The following SLC26A11 variants were observed in gnomAD, a reference collection of about 807,000 sequenced individuals.
The protein encoded by SLC26A11 is sodium-independent sulfate anion transporter.
A neutral mutation model predicts 62.2 loss-of-function variants in SLC26A11; 58 were observed. The observed-to-expected ratio is 0.93, with a 90% CI of 0.76 to 1.16. The LOEUF is 1.16. Ranked by LOEUF, SLC26A11 falls within the 50% of genes most tolerant of loss-of-function variation. The pLI, the probability that SLC26A11 is intolerant of heterozygous loss-of-function variation, is 0.00. For missense variants in SLC26A11, 790 were observed against 794.3 expected (o/e 0.99, Z 0.06); for synonymous variants, 411 against 368.9 (o/e 1.11, Z -1.31).
intron 9 of SLC26A11, among the ~76,000 whole-genome samples, chr17:80,238,407 C>G (rs6420489): frequency 1.3e-5 from 2 of 151,932 alleles, no homozygotes; most frequent in African/African-American, 2.4e-5. Context: ...TGTTTAGTAA[C>G]AGGCTCACAA....
chr17:80,233,813 A>AAGGGATCCTCCCACG (rs1555628041), intron 7 of SLC26A11, among the ~76,000 whole-genome samples: 41,435 of 151,576 alleles, frequency 0.27, 6,140 homozygotes, highest in South Asian at 0.39. Context: ...TCCTGGGCTC[A>AAGGGATCCTCCCACG]AGGGATCCTC....
At chr17:80,230,146 G>A (rs1220210975) in intron 7 of SLC26A11, among the ~76,000 whole-genome samples, 2 of 144,036 alleles carry the variant, frequency 1.4e-5, no homozygotes, top group Non-Finnish European at 3.0e-5. Context: ...AGTGAGCCAA[G>A]ACTGCACCAC....
intron 5 of SLC26A11, among the ~76,000 whole-genome samples, chr17:80,224,085 A>G (rs1226729432): frequency 6.6e-6 from 1 of 152,206 alleles, no homozygotes; most frequent in Non-Finnish European, 1.5e-5. Flanking sequence ...ACTGCAGGTC[A>G]TCTTCCCCAA....
chr17:80,250,018 A>G (rs8076666), intron 16 of SLC26A11, among the ~76,000 whole-genome samples: 129,616 of 152,198 alleles, frequency 0.85, 55,618 homozygotes, highest in East Asian at 1. Flanking sequence ...GTTCAGAGCC[A>G]CAGGTAAAGT....
intron 8 of SLC26A11, 119 bp downstream of exon 8, chr17:80,237,222 T>A: frequency 8.2e-7 from 1 of 1,224,798 alleles, no homozygotes; most frequent in Non-Finnish European, 1.1e-6. Flanking sequence ...GACAGCTGAG[T>A]CCTCAGGAAC....
Position 80,221,001 on chromosome 17 carries a change from C to T in SLC26A11, c.-128C>T, listed in dbSNP as rs2042154251. On this transcript the variant is annotated 5_prime_UTR_variant, in exon 2 of 18. Transcript: ENST00000361193. ...CAGGAGCGGAGGACCCCCCCACTCTCCCTCGAGCGCCGCAGTCCACCGTAG... is the reference window on the plus strand; with the variant it reads ...CAGGAGCGGAGGACCCCCCCACTCTTCCTCGAGCGCCGCAGTCCACCGTAG... The T allele has an allele frequency of 6.5e-6, 1 of 152,922 alleles. No individual in the cohort carries two copies. Among genetic ancestry groups the T allele is most frequent in the Non-Finnish European group, 1.5e-5 (1 of 68,578 alleles). 9.5% of individuals were successfully genotyped at this position (152,922 alleles called of 1,614,324 possible).
At chr17:80,238,615 A>G (rs1427172245) in intron 9 of SLC26A11, among the ~76,000 whole-genome samples, 3 of 151,816 alleles carry the variant, frequency 2.0e-5, no homozygotes, top group Non-Finnish European at 4.4e-5. Context: ...TGCGGATGAC[A>G]CCTTCGTTCT....
intron 3 of SLC26A11, 55 bp downstream of exon 3, chr17:80,221,849 A>G: frequency 6.6e-7 from 1 of 1,512,284 alleles, no homozygotes; most frequent in Non-Finnish European, 9.0e-7. Context: ...CAGAATACAC[A>G]GTATCAATCC....
intron 9 of SLC26A11, among the ~76,000 whole-genome samples, chr17:80,240,567 C>A (rs961057731): frequency 6.6e-6 from 1 of 152,036 alleles, no homozygotes; most frequent in African/African-American, 2.4e-5. Flanking sequence ...CTTTGGGAGG[C>A]CAAGGTGGGC....
chr17:80,250,965 A>G (rs2144991341), intron 16 of SLC26A11, among the ~76,000 whole-genome samples: 1 of 151,818 alleles, frequency 6.6e-6, no homozygotes, highest in Non-Finnish European at 1.5e-5. Flanking sequence ...ACATGACGAA[A>G]CCCCATCAAA....
chr17:80,239,221 G>A (rs559430904), intron 9 of SLC26A11, among the ~76,000 whole-genome samples: 39 of 149,272 alleles, frequency 2.6e-4, no homozygotes, highest in Non-Finnish European at 4.9e-4. Context: ...CTGGGATTAC[G>A]GGTGCGCACC....
At chr17:80,231,574 C>T (rs937057805) in intron 7 of SLC26A11, among the ~76,000 whole-genome samples, 9 of 152,206 alleles carry the variant, frequency 5.9e-5, no homozygotes, top group African/African-American at 2.2e-4. Flanking sequence ...ATTACTTTAG[C>T]TGCATCCCAC....
intron 14 of SLC26A11, 148 bp downstream of exon 14, chr17:80,248,405 A>C: frequency 1.5e-6 from 2 of 1,318,858 alleles, no homozygotes; most frequent in Middle Eastern, 2.2e-4. Flanking sequence ...CCTTGCTATA[A>C]ACCATGGTGT....
chr17:80,230,356 C>A (rs1276049375), intron 7 of SLC26A11, among the ~76,000 whole-genome samples: 1 of 152,022 alleles, frequency 6.6e-6, no homozygotes, highest in Non-Finnish European at 1.5e-5. Flanking sequence ...ACTCACAGGT[C>A]CTAGAGACAG....
rs778988177 is a variant in SLC26A11, at chr17:80,237,060, T to A, written c.869T>A (p.Val290Glu). ...LPPVRIPPFSVTTANGTISFT... is the reference protein window; with the variant it reads ...LPPVRIPPFSETTANGTISFT... ...CCAGTCCGGATCCCGCCCTTCTCAG[T>A]GACCACAGCCAACGGGACGATCTCC... The change falls in exon 8 of 18, where the codon GTG (valine) becomes GAG (glutamate). Residue 290 changes from valine (V) to glutamate (E), a missense_variant. Physicochemically the swap from Val to Glu is moderately radical, Grantham distance 121. Coordinates refer to ENST00000361193, the MANE Select transcript of SLC26A11 (RefSeq NM_001166347.2). The A allele has an allele frequency of 5.0e-6, 8 of 1,613,880 alleles. No individual in the cohort carries two copies. The East Asian group carries it at 1.8e-4, about 36-fold the overall frequency.
rs2043170344 is a variant in SLC26A11 at position 80,252,010 on chromosome 17, G to T, written c.1729+609G>T. Among the ~76,000 whole-genome samples the T allele has an allele frequency of 6.6e-6, 1 of 152,118 alleles. No homozygotes were observed. Among genetic ancestry groups the T allele is most frequent in the South Asian group, 2.1e-4 (1 of 4,820 alleles). On this transcript the variant is annotated intron_variant, in intron 17 of 17. Coordinates refer to ENST00000361193, the MANE Select transcript of SLC26A11 (RefSeq NM_001166347.2). This position sits in a 1 kb window ranked among gnomAD's most constrained non-coding sequence, Gnocchi z 5.2. Reference sequence around the variant, plus strand: ...TCCCGGGGGATCAGGACAGAGCAGGGCCGGGTCAGGAGATCCAGAAGCCCC... The same window carrying T: ...TCCCGGGGGATCAGGACAGAGCAGGTCCGGGTCAGGAGATCCAGAAGCCCC...
intron 9 of SLC26A11, among the ~76,000 whole-genome samples, chr17:80,239,816 T>TACATTTCTGA (rs1360124552): frequency 1.3e-5 from 2 of 152,264 alleles, no homozygotes; most frequent in Admixed American, 1.3e-4. Context: ...GGCCAGTTTT[T>TACATTTCTGA]ACATTTCTGA....
chr17:80,224,418 TGAGTGAGA>T (rs2042338519), intron 5 of SLC26A11, among the ~76,000 whole-genome samples: 1 of 136,224 alleles, frequency 7.3e-6, no homozygotes, highest in African/African-American at 2.8e-5. Flanking sequence ...TGAGTGTGAG[TGAGTGAGA>T]GTGGGTGTGG....
intron 10 of SLC26A11, 120 bp downstream of exon 10, chr17:80,241,941 A>G: frequency 8.8e-7 from 1 of 1,142,284 alleles, no homozygotes; most frequent in South Asian, 1.2e-5. Context: ...CTGGGAGGGC[A>G]AAGGTGGCCC....
Sources: allele counts gnomAD v4.1 joint callset (sites outside exome capture counted in the v4.1 genomes callset), GRCh38; gene constraint gnomAD v4.1.1; non-coding constraint Gnocchi (gnomAD v3.1); transcripts MANE v1.5; gene names NCBI Gene and HGNC (gene_info 2026-07-23, HGNC 2026-07-21).